TENM4: variants seen among roughly 807,000 people sequenced by gnomAD.
The protein encoded by TENM4 is teneurin transmembrane protein 4, also known as teneurin-4.
Under a neutral mutation model 243.3 loss-of-function variants are expected in TENM4, and 82 were observed. The ratio of observed to expected loss-of-function variants is 0.34; its 90% CI spans 0.28 to 0.40. The LOEUF is 0.40. Ranked by LOEUF, TENM4 falls within the 10% of genes least tolerant of loss-of-function variation. The pLI is 1.00. For missense variants in TENM4, 3,138 were observed against 3,673.3 expected (o/e 0.85, Z 3.77); for synonymous variants, 1,412 against 1,456.3 (o/e 0.97, Z 0.69).
intron 1 of TENM4, among the ~76,000 whole-genome samples, chr11:79,437,310 C>G (rs956469810): frequency 6.6e-6 from 1 of 152,242 alleles, no homozygotes; most frequent in Admixed American, 6.5e-5. Flanking sequence ...AGTGAAAACA[C>G]CCCTCGTAAC....
intron 32 of TENM4, 87 bp downstream of exon 32, chr11:78,668,850 T>G: frequency 1.4e-6 from 2 of 1,479,920 alleles, no homozygotes; most frequent in Non-Finnish European, 1.8e-6. Flanking sequence ...TGTCACCTTA[T>G]GCCAGCTTTC....
rs117255332 is a variant in TENM4 at position 78,830,688 on chromosome 11, G to A, written c.1682-16293C>T. Among the ~76,000 whole-genome samples, 1,439 of 152,274 alleles carry A rather than the reference G, an allele frequency of 9.5e-3. 13 individuals carry two copies. Among genetic ancestry groups the A allele is most frequent in the South Asian group, 0.034 (163 of 4,822 alleles). Reference sequence around the variant, plus strand: ...CTTGGGGAGAGCAGCTTTAATTAACGATGGCTGAGTGTAACCTCGCTTTCC... The same window carrying A: ...CTTGGGGAGAGCAGCTTTAATTAACAATGGCTGAGTGTAACCTCGCTTTCC... On this transcript the variant is annotated intron_variant, in intron 12 of 33. Coordinates refer to ENST00000278550, the MANE Select transcript of TENM4 (RefSeq NM_001098816.3).
chr11:79,114,127 T>C (rs778340251), intron 4 of TENM4, among the ~76,000 whole-genome samples: 1 of 152,164 alleles, frequency 6.6e-6, no homozygotes, highest in Non-Finnish European at 1.5e-5. Context: ...GTACCACCAA[T>C]TCACTCTATG....
At chr11:79,202,052 CACTG>C (rs199621159) in intron 3 of TENM4, among the ~76,000 whole-genome samples, 5,281 of 152,226 alleles carry the variant, frequency 0.035, 104 homozygotes, top group Middle Eastern at 0.065. Context: ...GTTTCTGGTC[CACTG>C]ACTAAGATGG....
At chr11:78,944,036 T>A (rs896646848) in intron 6 of TENM4, among the ~76,000 whole-genome samples, 2 of 152,220 alleles carry the variant, frequency 1.3e-5, no homozygotes, top group African/African-American at 4.8e-5. Context: ...AGAGGCCATA[T>A]GACAGGCTAA....
chr11:79,065,450 G>A lies in TENM4; in HGVS notation c.224-443C>T, dbSNP rs74609909. Among the ~76,000 whole-genome samples the A allele has an allele frequency of 9.1e-3, 1,391 of 152,330 alleles. 29 individuals are homozygous for A. The highest frequency in any genetic ancestry group is 0.032 in the African/African-American group (1,322 of 41,564). Reference sequence around the variant, plus strand: ...TCTCTTTCCCTAGAACAAAAATGCAGTACTCAGAAGGGGCTCAATAAATGC... The same window carrying A: ...TCTCTTTCCCTAGAACAAAAATGCAATACTCAGAAGGGGCTCAATAAATGC... On this transcript the variant is annotated intron_variant, in intron 5 of 33. Coordinates refer to ENST00000278550, the MANE Select transcript of TENM4 (RefSeq NM_001098816.3).
intron 4 of TENM4, among the ~76,000 whole-genome samples, chr11:79,094,057 T>C (rs995674532): frequency 6.6e-6 from 1 of 152,190 alleles, no homozygotes; most frequent in African/African-American, 2.4e-5. Flanking sequence ...CATTAGAGAC[T>C]GTAGACATAG....
At chr11:79,154,105 G>C (rs1477407512) in intron 3 of TENM4, among the ~76,000 whole-genome samples, 3 of 151,440 alleles carry the variant, frequency 2.0e-5, no homozygotes, top group Non-Finnish European at 4.4e-5. Context: ...GTTGGCTTTT[G>C]TGTTGCTATA....
At chr11:79,160,320 T>C (rs543393857) in intron 3 of TENM4, among the ~76,000 whole-genome samples, 6 of 152,314 alleles carry the variant, frequency 3.9e-5, no homozygotes, top group African/African-American at 1.4e-4. Flanking sequence ...CCTCTAATGA[T>C]AGAAAATTCT....
chr11:78,949,443 T>C (rs1360866419), intron 6 of TENM4, among the ~76,000 whole-genome samples: 3 of 152,202 alleles, frequency 2.0e-5, no homozygotes, highest in Non-Finnish European at 4.4e-5. Context: ...TGGATTTGAA[T>C]CCCAGCTCTG....
chr11:78,935,027 C>T (rs1341025332), intron 6 of TENM4, among the ~76,000 whole-genome samples: 1 of 66,316 alleles, frequency 1.5e-5, no homozygotes, highest in African/African-American at 6.8e-5. Flanking sequence ...TTTTTTGAGA[C>T]GGAGTCTCGC....
chr11:79,309,666 G>A (rs1438959226), intron 1 of TENM4, among the ~76,000 whole-genome samples: 3 of 152,222 alleles, frequency 2.0e-5, no homozygotes, highest in Non-Finnish European at 4.4e-5. Context: ...ATACTGAGTT[G>A]CAGGCTGTGA....
intron 1 of TENM4, among the ~76,000 whole-genome samples, chr11:79,412,274 C>T (rs980037731): frequency 1.3e-5 from 2 of 152,176 alleles, no homozygotes; most frequent in Non-Finnish European, 2.9e-5. Flanking sequence ...GATGTCAGGC[C>T]CCAGGAATGG....
intron 1 of TENM4, among the ~76,000 whole-genome samples, chr11:79,407,567 G>C (rs927283701): frequency 6.6e-5 from 10 of 152,206 alleles, no homozygotes; most frequent in Non-Finnish European, 1.5e-4. Context: ...TAAGTAGCGA[G>C]ACCTAGATAT....
At chr11:79,286,252 C>G (rs1203205069) in intron 2 of TENM4, among the ~76,000 whole-genome samples, 2 of 152,092 alleles carry the variant, frequency 1.3e-5, no homozygotes, top group Non-Finnish European at 2.9e-5. Flanking sequence ...AGAATATGAG[C>G]ACTCGCTCTG....
intron 29 of TENM4, among the ~76,000 whole-genome samples, chr11:78,685,598 A>C (rs1270926119): frequency 6.6e-6 from 1 of 152,236 alleles, no homozygotes; most frequent in African/African-American, 2.4e-5. Flanking sequence ...GAATACATTT[A>C]AAAACTGAGG....
In TENM4 at chr11:79,386,565, C is replaced by T. The variant is rs1490553446; in HGVS notation, c.-321+53944G>A. Among the ~76,000 whole-genome samples, 4 of 151,904 alleles carry T rather than the reference C, an allele frequency of 2.6e-5. No homozygotes were observed. In the East Asian group the frequency reaches 7.7e-4, roughly 29 times the overall value. On this transcript the variant is annotated intron_variant, in intron 1 of 33. Coordinates refer to ENST00000278550, the MANE Select transcript of TENM4 (RefSeq NM_001098816.3). ...TTCCCACAAATAATTAAGAAAAAAG[C>T]AGACAACCTGATCTGGAAAAAAGAC...
chr11:78,740,409 C>CA (rs1855894594), intron 19 of TENM4, among the ~76,000 whole-genome samples: 2 of 139,882 alleles, frequency 1.4e-5, no homozygotes, highest in South Asian at 5.2e-4. Flanking sequence ...AATGCTAATT[C>CA]AGTCAGTGGT....
intron 4 of TENM4, among the ~76,000 whole-genome samples, chr11:79,072,638 T>C (rs1467879969): frequency 6.6e-6 from 1 of 152,218 alleles, no homozygotes. Context: ...TCTATCTCAT[T>C]CTCTTTCATT....
Sources: gnomAD v4.1 joint callset for allele counts (sites outside exome capture counted in the v4.1 genomes callset) on GRCh38, gnomAD v4.1.1 for gene constraint, MANE v1.5 for transcripts, NCBI Gene and HGNC (gene_info 2026-07-23, HGNC 2026-07-21) for gene names.